SGIP1: variants seen among roughly 807,000 people sequenced by gnomAD.
SGIP1 encodes the protein SH3-containing GRB2-like protein 3-interacting protein 1.
SGIP1 carries 38 observed loss-of-function variants against 107.5 expected under a neutral mutation model. That is an observed-to-expected ratio of 0.35 (90% CI 0.27 to 0.46). The LOEUF is 0.46. Ranked by LOEUF, SGIP1 falls within the 20% of genes least tolerant of loss-of-function variation. The pLI, the probability that SGIP1 is intolerant of heterozygous loss-of-function variation, is 1.00. For missense variants in SGIP1, 929 were observed against 1,019.5 expected, an observed-to-expected ratio of 0.91 and a Z score of 1.21; for synonymous variants, 365 against 366.1, an observed-to-expected ratio of 1.00 and a Z score of 0.03.
chr1:66,634,059 T>C (rs762992278), intron 3 of SGIP1: 4 of 1,584,136 alleles, frequency 2.5e-6, no homozygotes, highest in Admixed American at 1.8e-5. Flanking sequence ...TGGGTAACAC[T>C]ATAATCAAGG....
At chr1:66,739,664 A>T in intron 22 of SGIP1, 127 bp downstream of exon 22, 1 of 883,904 alleles carries the variant, frequency 1.1e-6, no homozygotes. Flanking sequence ...CAGGGCAGGA[A>T]ATAGAAACCA....
At chr1:66,666,852 G>C (rs958476422) in intron 8 of SGIP1, 5 of 152,194 alleles carry the variant, frequency 3.3e-5, no homozygotes, top group African/African-American at 9.7e-5. Flanking sequence ...GGTCCACCAG[G>C]GTTCTGTTGC....
chr1:66,693,477 T>C (rs911316470), intron 17 of SGIP1, among the ~76,000 whole-genome samples: 1 of 152,148 alleles, frequency 6.6e-6, no homozygotes, highest in Non-Finnish European at 1.5e-5. Flanking sequence ...ATTGTAAATA[T>C]GGAGTCAAGC....
chr1:66,700,589 T>C (rs1444829572), intron 18 of SGIP1, among the ~76,000 whole-genome samples: 1 of 152,040 alleles, frequency 6.6e-6, no homozygotes, highest in Non-Finnish European at 1.5e-5. Flanking sequence ...ATTTATAGGA[T>C]ACCAAATAAT....
intron 1 of SGIP1, among the ~76,000 whole-genome samples, chr1:66,544,182 T>C (rs1388707908): frequency 6.6e-6 from 1 of 152,210 alleles, no homozygotes; most frequent in Non-Finnish European, 1.5e-5. Flanking sequence ...TCATCCTTTA[T>C]TCTCAATGTC....
rs575380033 is a variant in SGIP1, at chr1:66,544,606, T to C, written c.10+10238T>C. Among the ~76,000 whole-genome samples the C allele has an allele frequency of 1.5e-3, 227 of 152,266 alleles. 1 individual carries two copies. The highest frequency in any genetic ancestry group is 2.6e-3 in the Non-Finnish European group (176 of 68,022). ...CATGAGGCTGAGGCGGGAGAATCAC[T>C]TGAACCTTGGAAGCGGAGGCTGCAG... is the stretch of plus-strand genomic sequence containing the variant. On this transcript the variant is annotated intron_variant, in intron 1 of 24. Transcript: ENST00000371037.
In SGIP1 at chr1:66,744,488, T is replaced by C. The variant is rs1421861253; in HGVS notation, c.*1393T>C. On this transcript the variant is annotated 3_prime_UTR_variant, in exon 25 of 25. Coordinates refer to ENST00000371037, the MANE Select transcript of SGIP1 (RefSeq NM_032291.4). Reference sequence around the variant, plus strand: ...GTCTTCCTTTAAGTCATAGAACTTATTTAAACATAAACCAATTTCTATTAC... The same window carrying C: ...GTCTTCCTTTAAGTCATAGAACTTACTTAAACATAAACCAATTTCTATTAC... The C allele has an allele frequency of 6.6e-6, 1 of 152,138 alleles. No individual in the cohort carries two copies. The highest frequency in any genetic ancestry group is 1.9e-4 in the East Asian group (1 of 5,204). 9.4% of individuals were successfully genotyped at this position (152,138 alleles called of 1,614,324 possible). A position where few individuals can be genotyped will look rare whatever the true frequency, so the allele number is the denominator to read the frequency against.
chr1:66,669,542 A>G (rs1316217915), intron 9 of SGIP1, among the ~76,000 whole-genome samples: 1 of 152,168 alleles, frequency 6.6e-6, no homozygotes, highest in Non-Finnish European at 1.5e-5. Flanking sequence ...ACCCAGAAAA[A>G]CATCTGTTAT....
In SGIP1 at chr1:66,745,789, C is replaced by G. The variant is rs2094544457; in HGVS notation, c.*2694C>G. On this transcript the variant is annotated 3_prime_UTR_variant, in exon 25 of 25. Coordinates refer to ENST00000371037, the MANE Select transcript of SGIP1 (RefSeq NM_032291.4). ...AAATGATGCTACTTTATTTTGGCAA[C>G]ATGGAAATTTTGTTTTTCTTTTCCA... The G allele has an allele frequency of 1.3e-5, 2 of 151,972 alleles. No individual in the cohort carries two copies. The highest frequency in any genetic ancestry group is 2.9e-5 in the Non-Finnish European group (2 of 67,896). 9.4% of individuals were successfully genotyped at this position (151,972 alleles called of 1,614,324 possible).
intron 1 of SGIP1, among the ~76,000 whole-genome samples, chr1:66,605,829 C>T (rs1408020936): frequency 4.6e-5 from 7 of 152,010 alleles, no homozygotes; most frequent in Admixed American, 2.6e-4. Context: ...TTCAATTAGC[C>T]GTGTCTTGAG....
intron 1 of SGIP1, among the ~76,000 whole-genome samples, chr1:66,596,767 G>T (rs1319281066): frequency 1.3e-5 from 2 of 151,828 alleles, no homozygotes; most frequent in African/African-American, 4.8e-5. Context: ...TGGGTGAAGG[G>T]TATGTGGGGT....
At chr1:66,690,956 CTGGA>C (rs1203512086) in intron 17 of SGIP1, among the ~76,000 whole-genome samples, 10 of 152,178 alleles carry the variant, frequency 6.6e-5, no homozygotes, top group Admixed American at 4.6e-4. Context: ...GGCTGTTCAG[CTGGA>C]TGGTTTTCCA....
At chr1:66,592,897 CTTTTTTTTTTTTTT>C (rs35762612) in intron 1 of SGIP1, among the ~76,000 whole-genome samples, 13 of 56,340 alleles carry the variant, frequency 2.3e-4, no homozygotes, top group Admixed American at 1.3e-3. Flanking sequence ...TCTTCTTCTT[CTTTTTTTTTTTTTT>C]TTTTTTTTTT....
chr1:66,673,637 C>T (rs112853012), intron 12 of SGIP1, among the ~76,000 whole-genome samples: 4 of 152,164 alleles, frequency 2.6e-5, no homozygotes, highest in African/African-American at 9.7e-5. Context: ...CAAGTCTACA[C>T]AAATCCCGGT....
At chr1:66,668,945 C>T (rs569668466) in intron 9 of SGIP1, among the ~76,000 whole-genome samples, 1 of 152,230 alleles carries the variant, frequency 6.6e-6, no homozygotes, top group African/African-American at 2.4e-5. Context: ...TTTGTGTGGT[C>T]GACATCACCT....
At chr1:66,568,074 A>C (rs1571454330) in intron 1 of SGIP1, among the ~76,000 whole-genome samples, 1 of 152,108 alleles carries the variant, frequency 6.6e-6, no homozygotes, top group East Asian at 1.9e-4. Context: ...AATTGCATTG[A>C]ATGTATTAAT....
intron 1 of SGIP1, among the ~76,000 whole-genome samples, chr1:66,572,691 G>A (rs1390148051): frequency 6.6e-6 from 1 of 151,970 alleles, no homozygotes; most frequent in Non-Finnish European, 1.5e-5. Flanking sequence ...TAATTTTCAG[G>A]TAAAATATAA....
chr1:66,739,298 T>C, intron 21 of SGIP1, 37 bp from the exon 22 acceptor site: 1 of 1,596,682 alleles, frequency 6.3e-7, no homozygotes. Context: ...AACATCCCTG[T>C]CATATGTTGT....
At chr1:66,724,473 C>T (rs929531500) in intron 19 of SGIP1, among the ~76,000 whole-genome samples, 7 of 152,044 alleles carry the variant, frequency 4.6e-5, no homozygotes, top group African/African-American at 1.2e-4. Flanking sequence ...TCAATTTAGA[C>T]ACTGGATGGA....
Sources: allele counts gnomAD v4.1 joint callset (sites outside exome capture counted in the v4.1 genomes callset), GRCh38; gene constraint gnomAD v4.1.1; transcripts MANE v1.5; gene names NCBI Gene and HGNC (gene_info 2026-07-23, HGNC 2026-07-21).